The following NDOR1 variants were observed in gnomAD, a reference collection of about 807,000 sequenced individuals.
NDOR1 encodes NADPH dependent diflavin oxidoreductase 1.
In NDOR1, 61 loss-of-function variants were observed where a neutral mutation model predicts 67.2. The observed-to-expected ratio is 0.91, with a 90% CI of 0.74 to 1.12. NDOR1 has a LOEUF of 1.12. Ranked by LOEUF, NDOR1 falls within the 50% of genes most tolerant of loss-of-function variation. The pLI is 0.00. For missense variants in NDOR1, 878 were observed against 802.8 expected (o/e 1.09, Z -1.13); for synonymous variants, 378 against 343.7 (o/e 1.10, Z -1.10).
Position 137,217,054 on chromosome 9 carries a change from C to CCTGGGTG in NDOR1, c.*650_*656dup, listed in dbSNP as rs1287251788. ...TCCTTCCTCTAGCTCCTCCCGGTGC[C>CCTGGGTG]CTGGGTGCTGGGTGCTGGATGGATG... On this transcript the variant is annotated 3_prime_UTR_variant, in exon 14 of 14. Coordinates refer to ENST00000684003, the MANE Select transcript of NDOR1 (RefSeq NM_014434.4). 2.7e-5 allele frequency: 5 copies of CCTGGGTG among 182,860 alleles called. No individual in the cohort carries two copies. The highest frequency in any genetic ancestry group is 1.8e-4 in the South Asian group (2 of 11,386). The allele number at this position is 182,860 out of a possible 1,614,324, so 11.3% of individuals were successfully genotyped here. A position where few individuals can be genotyped will look rare whatever the true frequency, so the allele number is the denominator to read the frequency against.
At chr9:137,207,652 A>G (rs7033551) in intron 2 of NDOR1, among the ~76,000 whole-genome samples, 135,162 of 152,054 alleles carry the variant, frequency 0.89, 60,423 homozygotes, top group East Asian at 1. Context: ...TGGGGGAGTG[A>G]GTGTTCCAGG....
chr9:137,215,332 G>T, intron 9 of NDOR1, 75 bp from the exon 10 acceptor site: 1 of 1,555,620 alleles, frequency 6.4e-7, no homozygotes. Flanking sequence ...TCTGCGGGAG[G>T]TAGGTGGGGC....
chr9:137,213,803 T>C lies in NDOR1; in HGVS notation c.335T>C (p.Leu112Pro), dbSNP rs776656886. ...YAKFNFVAKKLHRRLLQLGGS... is the reference protein window; with the variant it reads ...YAKFNFVAKKPHRRLLQLGGS... Reference sequence around the variant, plus strand: ...AGGTTCAACTTCGTGGCCAAGAAGCTGCACCGACGGCTACTGCAGCTTGGG... The same window carrying C: ...AGGTTCAACTTCGTGGCCAAGAAGCCGCACCGACGGCTACTGCAGCTTGGG... The change falls in exon 4 of 14, where the codon CTG becomes CCG. Residue 112 changes from leucine (L) to proline (P), a missense_variant. Physicochemically the swap from Leu to Pro is moderately conservative, Grantham distance 98 (BLOSUM62 -3). Coordinates refer to ENST00000684003, the MANE Select transcript of NDOR1 (RefSeq NM_014434.4). The C allele has an allele frequency of 1.2e-6, 2 of 1,612,532 alleles. No individual in the cohort carries two copies. The highest frequency in any genetic ancestry group is 1.7e-6 in the Non-Finnish European group (2 of 1,179,630).
rs1050613809 is a variant in NDOR1, at chr9:137,215,948, G to A, written c.1485G>A (p.Trp495Ter). 2 of 1,613,642 alleles carry A rather than the reference G, an allele frequency of 1.2e-6. No individual in the cohort carries two copies. Among genetic ancestry groups the A allele is most frequent in the African/African-American group, 2.7e-5 (2 of 74,946 alleles). The change falls in exon 12 of 14, where the codon TGG becomes TGA. Residue 495 changes from tryptophan (W) to a stop codon, truncating the protein, a stop_gained. Transcript: ENST00000684003. LOFTEE classifies it high-confidence loss of function. ...GCRWRDQDFY[W>*]EAEWQELEKR... ...GCTGGCGGGACCAAGACTTCTACTGGGAGGCTGAGTGGCAGGAGCTGGAGA... is the reference window on the plus strand; with the variant it reads ...GCTGGCGGGACCAAGACTTCTACTGAGAGGCTGAGTGGCAGGAGCTGGAGA...
In NDOR1 at chr9:137,205,724, G is replaced by A; in HGVS notation, c.-54G>A. The A allele has an allele frequency of 6.3e-7, 1 of 1,597,008 alleles. No individual in the cohort carries two copies. Among genetic ancestry groups the A allele is most frequent in the East Asian group, 2.2e-5 (1 of 44,714 alleles). ...CGGAGCGGTCCCTGCAACCCGGCCG[G>A]CGGGAACTGCCTTCTAGTTTTTAGT... On this transcript the variant is annotated 5_prime_UTR_variant, in exon 1 of 14. Coordinates refer to ENST00000684003, the MANE Select transcript of NDOR1 (RefSeq NM_014434.4).
chr9:137,213,824 T>C lies in NDOR1; in HGVS notation c.356T>C (p.Leu119Pro), dbSNP rs1835381182. 6.2e-7 allele frequency: 1 copy of C among 1,612,434 alleles called. No individual in the cohort carries two copies. Among genetic ancestry groups the C allele is most frequent in the Non-Finnish European group, 8.5e-7 (1 of 1,179,586 alleles). ...AKKLHRRLLQ[L>P]GGSALLPVCL... is the part of the protein sequence containing the mutation. ...AAGCTGCACCGACGGCTACTGCAGC[T>C]TGGGGGCAGCGCCCTCCTGCCCGTG... Residue 119 changes from leucine to proline, a missense_variant, in exon 4 of 14, where the codon CTT becomes CCT. Coordinates refer to ENST00000684003, the MANE Select transcript of NDOR1 (RefSeq NM_014434.4).
At position 137,216,344 on chromosome 9, in the gene NDOR1, C is replaced by T. The variant is rs1264431305; in HGVS notation, c.1722C>T (p.Cys574=). 2 of 1,610,392 alleles carry T rather than the reference C, an allele frequency of 1.2e-6. No homozygotes were observed. Among genetic ancestry groups the T allele is most frequent in the Non-Finnish European group, 1.7e-6 (2 of 1,179,980 alleles). Residue 574 remains cysteine (C), a synonymous_variant, in exon 14 of 14, where the codon TGC becomes TGT. Transcript: ENST00000684003. ...MSIFQEEGGL[C]SPDAAAYLAR... ...TCTTCCAGGAGGAGGGTGGACTCTGCAGCCCGGACGCAGCCGCGTATCTAG... is the reference window on the plus strand; with the variant it reads ...TCTTCCAGGAGGAGGGTGGACTCTGTAGCCCGGACGCAGCCGCGTATCTAG...
In NDOR1 at chr9:137,216,078, G is replaced by A. The variant is rs765956914; in HGVS notation, c.1555-16G>A. 1.9e-6 allele frequency: 3 copies of A among 1,613,300 alleles called. No homozygotes were observed. The African/African-American group carries it at 4.0e-5, about 22-fold the overall frequency. ...GAGCTCCGGCTCAGCCCCCAGCCCT[G>A]TTCTCTGCCCTACAGGAGCAGAAAG... is the stretch of plus-strand genomic sequence containing the variant. On this transcript the variant is annotated splice_polypyrimidine_tract_variant and intron_variant, in intron 12 of 13. Coordinates refer to ENST00000684003, the MANE Select transcript of NDOR1 (RefSeq NM_014434.4).
chr9:137,215,346 C>A, intron 9 of NDOR1, 61 bp from the exon 10 acceptor site: 1 of 1,567,368 alleles, frequency 6.4e-7, no homozygotes, highest in Non-Finnish European at 8.8e-7. Flanking sequence ...GTGGGGCCCA[C>A]GGCCCAGGCA....
chr9:137,211,545 G>A (rs1323534777), intron 2 of NDOR1, among the ~76,000 whole-genome samples: 1 of 152,134 alleles, frequency 6.6e-6, no homozygotes, highest in Non-Finnish European at 1.5e-5. Context: ...CGGGAAGGAG[G>A]AAGTTCACCA....
At chr9:137,210,050 A>G (rs1835174903) in intron 2 of NDOR1, among the ~76,000 whole-genome samples, 1 of 152,190 alleles carries the variant, frequency 6.6e-6, no homozygotes, top group South Asian at 2.1e-4. Context: ...CCGAGATCAC[A>G]CCACTGCACT....
At position 137,218,758 on chromosome 9, in the gene NDOR1, C is replaced by T; in HGVS notation, c.*2342C>T. On this transcript the variant is annotated 3_prime_UTR_variant, in exon 14 of 14. Transcript: ENST00000684003. ...TCAATCAAGACCTCCCATTGCTGAA[C>T]CCACAACCAGGGCTACCCAGAGGCC... The T allele has an allele frequency of 2.5e-6, 1 of 397,276 alleles. No homozygotes were observed. The highest frequency in any genetic ancestry group is 3.6e-5 in the East Asian group (1 of 28,068). The allele number at this position is 397,276 out of a possible 1,614,324, so 24.6% of individuals were successfully genotyped here. A position where few individuals can be genotyped will look rare whatever the true frequency, so the allele number is the denominator to read the frequency against.
At chr9:137,207,621 G>A (rs377344807) in intron 2 of NDOR1, among the ~76,000 whole-genome samples, 8 of 152,168 alleles carry the variant, frequency 5.3e-5, no homozygotes, top group Admixed American at 3.9e-4. Context: ...AAGAGAGGGT[G>A]CAGCACCCCA....
chr9:137,218,352 G>T lies in NDOR1; in HGVS notation c.*1936G>T, dbSNP rs1835731510. The T allele has an allele frequency of 5.0e-6, 2 of 398,290 alleles. No individual in the cohort carries two copies. Among genetic ancestry groups the T allele is most frequent in the Non-Finnish European group, 8.9e-6 (2 of 225,844 alleles). 24.7% of individuals were successfully genotyped at this position (398,290 alleles called of 1,614,324 possible). Reference sequence around the variant, plus strand: ...TATCACCGCAACCCTGGGCCCTGGGGCTCCCTGGAGCACCGCTACCAGCTG... The same window carrying T: ...TATCACCGCAACCCTGGGCCCTGGGTCTCCCTGGAGCACCGCTACCAGCTG... On this transcript the variant is annotated 3_prime_UTR_variant, in exon 14 of 14. Transcript: ENST00000684003.
Position 137,214,778 on chromosome 9 carries a change from G to T in NDOR1, c.845-20G>T. On this transcript the variant is annotated intron_variant, in intron 7 of 13. Transcript: ENST00000684003. ...AAGGGCTCCGCCGCAGCCCACGGAG[G>T]CCTCCCACTCACCCTGCAGATGTCT... 6.3e-7 allele frequency: 1 copy of T among 1,598,004 alleles called. No homozygotes were observed. Among genetic ancestry groups the T allele is most frequent in the Non-Finnish European group, 8.5e-7 (1 of 1,176,472 alleles).
intron 9 of NDOR1, 32 bp downstream of exon 9, chr9:137,215,234 G>A (rs576171507): frequency 1.1e-5 from 18 of 1,595,800 alleles, no homozygotes; most frequent in African/African-American, 2.7e-5. Context: ...GCCCAGGACC[G>A]GCCCTGGGAA....
chr9:137,210,299 C>T (rs1053276138), intron 2 of NDOR1, among the ~76,000 whole-genome samples: 43 of 152,322 alleles, frequency 2.8e-4, no homozygotes, highest in African/African-American at 9.9e-4. Flanking sequence ...CAACGGCTCA[C>T]TGCCCCCTGA....
chr9:137,213,676 A>G (rs1835370333), intron 3 of NDOR1, 104 bp from the exon 4 acceptor site: 3 of 1,169,274 alleles, frequency 2.6e-6, no homozygotes, highest in Admixed American at 2.7e-5. Flanking sequence ...GGCCCTCCCC[A>G]GGCTCCACTC....
At position 137,214,002 on chromosome 9, in the gene NDOR1, T is replaced by G. The variant is rs1390118650; in HGVS notation, c.446T>G (p.Leu149Trp). 5.1e-6 allele frequency: 8 copies of G among 1,554,148 alleles called. No individual in the cohort carries two copies. Among genetic ancestry groups the G allele is most frequent in the Non-Finnish European group, 7.0e-6 (8 of 1,150,780 alleles). The change falls in exon 5 of 14, where the codon TTG (leucine) becomes TGG (tryptophan). Residue 149 changes from leucine (L) to tryptophan (W), a missense_variant. By Grantham distance (61) the Leu-to-Trp change is moderately conservative (BLOSUM62 -2). Coordinates refer to ENST00000684003, the MANE Select transcript of NDOR1 (RefSeq NM_014434.4). Reference protein sequence around the residue: ...DAAVDPWLRDLWDRVLGLYPP... With the variant: ...DAAVDPWLRDWWDRVLGLYPP... The stretch of plus-strand genomic sequence containing the variant: ...GCTGTGGACCCCTGGCTGCGAGACT[T>G]GTGGGACAGGGTTCTGGGGCTGTAC...
Sources: allele counts gnomAD v4.1 joint callset (sites outside exome capture counted in the v4.1 genomes callset), GRCh38; gene constraint gnomAD v4.1.1; transcripts MANE v1.5; gene names NCBI Gene and HGNC (gene_info 2026-07-23, HGNC 2026-07-21).